The following ERICH1 variants were observed in gnomAD, a reference collection of about 807,000 sequenced individuals.
The protein encoded by ERICH1 is glutamate rich 1.
In ERICH1, 56 loss-of-function variants were observed where a neutral mutation model predicts 39.6. That is an observed-to-expected ratio of 1.41 (90% confidence interval 1.14 to 1.77). The LOEUF is 1.77. Ranked by LOEUF, ERICH1 falls within the 40% of genes most tolerant of loss-of-function variation. The pLI is 0.00. For synonymous variants in ERICH1, 313 were observed against 223.6 expected (o/e 1.40, Z -3.57); for missense variants, 826 against 575.4 (o/e 1.44, Z -4.45).
At chr8:697,310 G>C (rs1810548995) in intron 2 of ERICH1, among the ~76,000 whole-genome samples, 4 of 152,130 alleles carry the variant, frequency 2.6e-5, no homozygotes. Flanking sequence ...GCACAGGCTT[G>C]GGCTTGTCTC....
intron 1 of ERICH1, among the ~76,000 whole-genome samples, chr8:717,691 C>T (rs1416419600): frequency 6.6e-6 from 1 of 152,232 alleles, no homozygotes; most frequent in Non-Finnish European, 1.5e-5. Flanking sequence ...GACAGGGGCG[C>T]TCAGAGCTAA....
intron 3 of ERICH1, among the ~76,000 whole-genome samples, chr8:643,790 T>C (rs1030740284): frequency 1.3e-5 from 2 of 152,290 alleles, no homozygotes; most frequent in Admixed American, 1.3e-4. Flanking sequence ...CTTCCTTTTG[T>C]CTCTCCTTTT....
intron 2 of ERICH1, among the ~76,000 whole-genome samples, chr8:708,545 C>T (rs1158732480): frequency 6.6e-6 from 1 of 152,124 alleles, no homozygotes; most frequent in Non-Finnish European, 1.5e-5. Flanking sequence ...AAAACCCAGA[C>T]ACAAAGGGTC....
chr8:676,899 G>C (rs1218742992), intron 3 of ERICH1, among the ~76,000 whole-genome samples: 1 of 152,268 alleles, frequency 6.6e-6, no homozygotes, highest in East Asian at 1.9e-4. Context: ...GAAACAACGT[G>C]AGTGAAGTTT....
chr8:691,268 C>T (rs1054944491), intron 3 of ERICH1, among the ~76,000 whole-genome samples: 3 of 152,192 alleles, frequency 2.0e-5, no homozygotes, highest in African/African-American at 7.2e-5. Context: ...CCTCAAGAAG[C>T]AGCTTGTGAA....
chr8:614,771 C>T (rs1796834984), exon 4 of ERICH1: 2 of 156,850 alleles, frequency 1.3e-5, no homozygotes, highest in South Asian at 2.0e-4. Flanking sequence ...CTTTATTCAA[C>T]ATACACTTGT....
chr8:665,675 A>G (rs1372770677), intron 5 of ERICH1, among the ~76,000 whole-genome samples: 2 of 152,218 alleles, frequency 1.3e-5, no homozygotes, highest in Non-Finnish European at 2.9e-5. Context: ...AATGGCAGCT[A>G]CTACTGATAA....
chr8:624,812 T>C (rs1377539231), intron 3 of ERICH1, among the ~76,000 whole-genome samples: 1 of 152,098 alleles, frequency 6.6e-6, no homozygotes, highest in African/African-American at 2.4e-5. Flanking sequence ...CTGCAAGCTC[T>C]GCCTCCCGGG....
At chr8:656,981 T>C (rs74775408) in intron 3 of ERICH1, 9,224 of 337,368 alleles carry the variant, frequency 0.027, 151 homozygotes, top group Middle Eastern at 0.035. Context: ...GCAAACAATT[T>C]TACTATTACT....
intron 3 of ERICH1, among the ~76,000 whole-genome samples, chr8:620,562 G>A (rs1797220872): frequency 6.6e-6 from 1 of 152,084 alleles, no homozygotes; most frequent in Non-Finnish European, 1.5e-5. Context: ...AGAAAATCCA[G>A]TGCAGCTTTT....
intron 1 of ERICH1, among the ~76,000 whole-genome samples, chr8:726,528 A>C (rs1361327984): frequency 1.3e-5 from 2 of 151,762 alleles, no homozygotes; most frequent in African/African-American, 2.4e-5. Flanking sequence ...CCAGACACTC[A>C]TGTACACACA....
At chr8:707,833 G>A (rs545291982) in intron 2 of ERICH1, among the ~76,000 whole-genome samples, 63 of 152,300 alleles carry the variant, frequency 4.1e-4, no homozygotes, top group African/African-American at 1.4e-3. Context: ...GGCTTTAAAG[G>A]ATACCATTAA....
intron 3 of ERICH1, among the ~76,000 whole-genome samples, chr8:641,408 G>A (rs954097744): frequency 2.0e-5 from 3 of 152,160 alleles, no homozygotes; most frequent in Admixed American, 6.5e-5. Context: ...AAGAGAAAAA[G>A]AAATCCCCAA....
At chr8:711,626 T>A (rs1051698994) in intron 2 of ERICH1, among the ~76,000 whole-genome samples, 1 of 151,926 alleles carries the variant, frequency 6.6e-6, no homozygotes, top group African/African-American at 2.4e-5. Context: ...GCCTACCGAG[T>A]GGCTGGGACT....
chr8:683,613 C>G (rs542495923), intron 3 of ERICH1, among the ~76,000 whole-genome samples: 1 of 152,346 alleles, frequency 6.6e-6, no homozygotes, highest in Admixed American at 6.5e-5. Flanking sequence ...CGGCTCCATG[C>G]CAGCTGCAGG....
At chr8:638,193 T>G (rs28461385) in intron 3 of ERICH1, among the ~76,000 whole-genome samples, 2 of 152,256 alleles carry the variant, frequency 1.3e-5, no homozygotes, top group Non-Finnish European at 2.9e-5. Context: ...GCCTGGCCCT[T>G]GCCTTGGCGT....
intron 3 of ERICH1, among the ~76,000 whole-genome samples, chr8:635,038 G>A (rs1474724492): frequency 6.6e-6 from 1 of 151,976 alleles, no homozygotes; most frequent in Non-Finnish European, 1.5e-5. Context: ...ACCGCACCTG[G>A]GGGTGTCCCA....
chr8:719,113 T>C (rs1428187142), intron 1 of ERICH1, among the ~76,000 whole-genome samples: 1 of 152,042 alleles, frequency 6.6e-6, no homozygotes, highest in Non-Finnish European at 1.5e-5. Context: ...CTGCCTGGGC[T>C]GAGAGCCCGA....
At chr8:715,821 T>A (rs1384972609) in intron 2 of ERICH1, 40 bp downstream of exon 2, 54 of 1,579,238 alleles carry the variant, frequency 3.4e-5, no homozygotes, top group Non-Finnish European at 4.0e-5. Flanking sequence ...GAGGTTAACT[T>A]CAGTTTCTGA....
Sources: allele counts gnomAD v4.1 joint callset (sites outside exome capture counted in the v4.1 genomes callset), GRCh38; gene constraint gnomAD v4.1.1; transcripts MANE v1.5; gene names NCBI Gene and HGNC (gene_info 2026-07-23, HGNC 2026-07-21).